The following ENAH variants were observed in gnomAD, a reference collection of about 807,000 sequenced individuals.
ENAH encodes the protein ENAH actin regulator, also known as protein enabled homolog.
ENAH carries 23 observed loss-of-function variants against 78.7 expected under a neutral mutation model. That is an observed-to-expected ratio of 0.29 (90% CI 0.21 to 0.41). The LOEUF (loss-of-function observed/expected upper bound fraction) is 0.41, where lower values mean the gene tolerates loss of function less well. ENAH is among the 10% of genes least tolerant of loss of function. The pLI is 1.00. For missense variants in ENAH, 544 were observed against 691.0 expected, an observed-to-expected ratio of 0.79 and a Z score of 2.39; for synonymous variants, 226 against 241.0, an observed-to-expected ratio of 0.94 and a Z score of 0.58.
rs1405683288 is a variant in ENAH, at chr1:225,514,741, T to C, written c.1073A>G (p.Asn358Ser). ...TGGTGGAGGAGGAGGGGGTACTTGATTAGGGAGAGGAGGGGGAGGAGGGGG... is the reference window on the plus strand; with the variant it reads ...TGGTGGAGGAGGAGGGGGTACTTGACTAGGGAGAGGAGGGGGAGGAGGGGG... ...PPPPPPPPLP[N>S]QVPPPPPPPP... The change falls in exon 7 of 14, where the codon AAT (asparagine) becomes AGT (serine). Residue 358 changes from asparagine to serine, a missense_variant. Physicochemically the swap from Asn to Ser is conservative, Grantham distance 46. Coordinates refer to ENST00000366843, the MANE Select transcript of ENAH (RefSeq NM_018212.6). The C allele has an allele frequency of 1.8e-6, 2 of 1,085,932 alleles. No individual in the cohort carries two copies. Among genetic ancestry groups the C allele is most frequent in the African/African-American group, 4.0e-5 (2 of 50,328 alleles). 67.3% of individuals were successfully genotyped at this position (1,085,932 alleles called of 1,614,324 possible). A position where few individuals can be genotyped will look rare whatever the true frequency, so the allele number is the denominator to read the frequency against.
intron 1 of ENAH, among the ~76,000 whole-genome samples, chr1:225,614,660 C>G (rs1016962277): frequency 6.6e-6 from 1 of 152,140 alleles, no homozygotes; most frequent in African/African-American, 2.4e-5. Flanking sequence ...CTTCTCCTAG[C>G]AACCAGCTCC....
intron 11 of ENAH, among the ~76,000 whole-genome samples, chr1:225,502,153 T>C (rs1257074519): frequency 1.3e-5 from 2 of 152,194 alleles, no homozygotes; most frequent in African/African-American, 2.4e-5. Flanking sequence ...TAAAATACTT[T>C]AAACCCATAG....
chr1:225,532,255 A>T (rs574345683), intron 3 of ENAH, among the ~76,000 whole-genome samples: 1 of 152,236 alleles, frequency 6.6e-6, no homozygotes, highest in African/African-American at 2.4e-5. Context: ...GGGGCGGGTA[A>T]ATCTGAGGTA....
chr1:225,560,249 T>C (rs1642266892), intron 2 of ENAH, among the ~76,000 whole-genome samples: 1 of 152,006 alleles, frequency 6.6e-6, no homozygotes, highest in Non-Finnish European at 1.5e-5. Flanking sequence ...TCCAGCACTT[T>C]GGGAGGCTGA....
At chr1:225,541,175 C>G (rs571079020) in intron 3 of ENAH, among the ~76,000 whole-genome samples, 3 of 152,316 alleles carry the variant, frequency 2.0e-5, no homozygotes, top group African/African-American at 7.2e-5. Flanking sequence ...TGGCTCATGC[C>G]TGTAATCCCA....
chr1:225,547,055 G>T (rs1441422521), intron 3 of ENAH, among the ~76,000 whole-genome samples: 2 of 150,668 alleles, frequency 1.3e-5, no homozygotes, highest in African/African-American at 2.5e-5. Flanking sequence ...TCTATTATTT[G>T]TTGTTGTTGT....
At chr1:225,606,047 AT>A (rs1314947414) in intron 1 of ENAH, among the ~76,000 whole-genome samples, 1 of 152,152 alleles carries the variant, frequency 6.6e-6, no homozygotes, top group Non-Finnish European at 1.5e-5. Flanking sequence ...TTTTATTATT[AT>A]TTTTTAATGT....
chr1:225,541,948 C>G (rs1347576295), intron 3 of ENAH, among the ~76,000 whole-genome samples: 1 of 152,060 alleles, frequency 6.6e-6, no homozygotes, highest in Non-Finnish European at 1.5e-5. Flanking sequence ...ATGGTGAGTT[C>G]CAGTGAAGTG....
intron 2 of ENAH, among the ~76,000 whole-genome samples, chr1:225,566,810 C>T (rs1259495016): frequency 6.6e-6 from 1 of 152,190 alleles, no homozygotes; most frequent in East Asian, 1.9e-4. Context: ...AACCTCAATA[C>T]CTACTATTTT....
intron 1 of ENAH, among the ~76,000 whole-genome samples, chr1:225,587,191 C>T (rs2096851799): frequency 6.6e-6 from 1 of 151,744 alleles, no homozygotes; most frequent in Admixed American, 6.6e-5. Flanking sequence ...AGCCTTTGCA[C>T]TAAGGCAAAG....
At chr1:225,649,013 G>C (rs1354051082) in intron 1 of ENAH, among the ~76,000 whole-genome samples, 2 of 152,038 alleles carry the variant, frequency 1.3e-5, no homozygotes, top group Non-Finnish European at 2.9e-5. Context: ...CCACTGCCCA[G>C]AAGTTTTACC....
At chr1:225,636,511 T>C (rs1005094919) in intron 1 of ENAH, among the ~76,000 whole-genome samples, 7 of 152,210 alleles carry the variant, frequency 4.6e-5, no homozygotes, top group Admixed American at 2.0e-4. Context: ...TTGTTTAAAG[T>C]ACTGTCCCAA....
At chr1:225,634,339 G>T (rs991608039) in intron 1 of ENAH, among the ~76,000 whole-genome samples, 1 of 152,164 alleles carries the variant, frequency 6.6e-6, no homozygotes, top group Non-Finnish European at 1.5e-5. Context: ...AGTAGTTGCT[G>T]ACATTTTACA....
At chr1:225,647,894 C>CA (rs1318851319) in intron 1 of ENAH, among the ~76,000 whole-genome samples, 1 of 152,028 alleles carries the variant, frequency 6.6e-6, no homozygotes, top group East Asian at 1.9e-4. Flanking sequence ...AAATCCTCTT[C>CA]AAGGAACTTA....
At chr1:225,502,411 C>T in intron 11 of ENAH, among the ~76,000 whole-genome samples, 1 of 152,130 alleles carries the variant, frequency 6.6e-6, no homozygotes. Flanking sequence ...GGGGTTTCAC[C>T]ATGTTAGCCA....
chr1:225,619,866 G>T (rs1041907846), intron 1 of ENAH, among the ~76,000 whole-genome samples: 3 of 152,002 alleles, frequency 2.0e-5, no homozygotes, highest in Admixed American at 1.3e-4. Flanking sequence ...GTACATAAAT[G>T]ATAATAAATT....
chr1:225,592,965 C>T (rs908828133), intron 1 of ENAH, among the ~76,000 whole-genome samples: 6 of 152,158 alleles, frequency 3.9e-5, no homozygotes, highest in African/African-American at 1.4e-4. Flanking sequence ...CTAGTTCCTC[C>T]ACACAGATGA....
In ENAH at chr1:225,513,008, A is replaced by G. The variant is rs753204400; in HGVS notation, c.1227T>C (p.Asp409=). Residue 409 remains aspartate, a synonymous_variant, in exon 8 of 14, where the codon GAT becomes GAC. Coordinates refer to ENST00000366843, the MANE Select transcript of ENAH (RefSeq NM_018212.6). Reference sequence around the variant, plus strand: ...CATTCCCTCCACTTGGGAAAGAGGTATCCTCCATCTTAATGAGAATATACA... The same window carrying G: ...CATTCCCTCCACTTGGGAAAGAGGTGTCCTCCATCTTAATGAGAATATACA... ...AKLRKVSRME[D]TSFPSGGNAI... The G allele has an allele frequency of 6.2e-7, 1 of 1,612,374 alleles. No homozygotes were observed. The highest frequency in any genetic ancestry group is 1.7e-5 in the Admixed American group (1 of 59,594).
Position 225,616,331 on chromosome 1 carries a change from TA to T in ENAH, c.5+36354del, listed in dbSNP as rs79946774. On this transcript the variant is annotated intron_variant, in intron 1 of 13. Transcript: ENST00000366843. ...CACCCAAGAATGATCAATAAATACT[TA>T]AAAAAAAAAAAAAAGAGTAATACTT... Among the ~76,000 whole-genome samples, 1,185 of 126,578 alleles carry T rather than the reference TA, an allele frequency of 9.4e-3. 5 individuals carry two copies. The highest frequency in any genetic ancestry group is 0.011 in the Non-Finnish European group (640 of 58,904). The allele number at this position is 126,578 out of a possible 152,430, so 83.0% of individuals were successfully genotyped here. A position where few individuals can be genotyped will look rare whatever the true frequency, so the allele number is the denominator to read the frequency against.
Sources: allele counts gnomAD v4.1 joint callset (sites outside exome capture counted in the v4.1 genomes callset), GRCh38; gene constraint gnomAD v4.1.1; transcripts MANE v1.5; gene names NCBI Gene and HGNC (gene_info 2026-07-23, HGNC 2026-07-21).